The following FRMPD2 variants were observed in gnomAD, a reference collection of about 807,000 sequenced individuals.
The protein encoded by FRMPD2 is FERM and PDZ domain-containing protein 2.
A neutral mutation model predicts 140.1 loss-of-function variants in FRMPD2; 96 were observed. That is an observed-to-expected ratio of 0.69 (90% confidence interval 0.58 to 0.81). FRMPD2 has a LOEUF of 0.81. Ranked by LOEUF, FRMPD2 falls within the 40% of genes least tolerant of loss-of-function variation. FRMPD2 has a pLI of 0.00. For synonymous variants in FRMPD2, 449 were observed against 547.6 expected (o/e 0.82, Z 2.52); for missense variants, 1,240 against 1,447.4 (o/e 0.86, Z 2.32).
intron 13 of FRMPD2, among the ~76,000 whole-genome samples, chr10:48,211,036 A>G (rs1839307993): frequency 1.3e-5 from 2 of 152,212 alleles, no homozygotes; most frequent in African/African-American, 4.8e-5. Flanking sequence ...TGGTCCCCAC[A>G]TCTTGACATA....
At chr10:48,203,414 C>G (rs1003103974) in intron 14 of FRMPD2, among the ~76,000 whole-genome samples, 1 of 152,128 alleles carries the variant, frequency 6.6e-6, no homozygotes, top group Non-Finnish European at 1.5e-5. Context: ...ATGTATAACT[C>G]CAGTCTCTGG....
At chr10:48,210,781 C>A (rs1373288999) in intron 13 of FRMPD2, among the ~76,000 whole-genome samples, 6 of 152,232 alleles carry the variant, frequency 3.9e-5, no homozygotes, top group African/African-American at 1.4e-4. Flanking sequence ...AGCTGAAAAG[C>A]AAAGGCCCAA....
rs776043610 is a variant in FRMPD2 at position 48,238,102 on chromosome 10, G to A, written c.810C>T (p.Pro270=). The change falls in exon 8 of 29, where the codon CCC becomes CCT. Residue 270 remains proline, a synonymous_variant. Transcript: ENST00000374201. The part of the protein sequence containing the change: ...LVNRALPGAD[P]QDQQAGRRLS... ...GCCTCCGGCCCGCCTGCTGGTCCTG[G>A]GGATCTGCTCCTGGAAGAGCGCTGG... 1.2e-6 allele frequency: 2 copies of A among 1,612,398 alleles called. No individual in the cohort carries two copies.
chr10:48,184,904 A>G (rs750707993), intron 18 of FRMPD2, 23 bp from the exon 19 acceptor site: 15 of 1,535,908 alleles, frequency 9.8e-6, no homozygotes, highest in African/African-American at 1.4e-5. Flanking sequence ...ATGATAGTCC[A>G]TGATAAGATG....
intron 12 of FRMPD2, 123 bp from the exon 13 acceptor site, chr10:48,212,232 AG>A (rs1180277373): frequency 1.1e-6 from 1 of 910,366 alleles, no homozygotes; most frequent in African/African-American, 1.7e-5. Flanking sequence ...CACTTCCTCG[AG>A]GTGCCCACCT....
rs1840820149 is a variant in FRMPD2, at chr10:48,274,482, A to G, written c.25+61T>C. 3.4e-6 allele frequency: 5 copies of G among 1,464,756 alleles called. No homozygotes were observed. In the African/African-American group the frequency reaches 6.9e-5, roughly 20 times the overall value. The allele number at this position is 1,464,756 out of a possible 1,614,324, so 90.7% of individuals were successfully genotyped here. A position where few individuals can be genotyped will look rare whatever the true frequency, so the allele number is the denominator to read the frequency against. On this transcript the variant is annotated intron_variant, in intron 1 of 28. Coordinates refer to ENST00000374201, the MANE Select transcript of FRMPD2 (RefSeq NM_001018071.4). ...TTATTCCGGATACCTAGACCCAGTAAGAAGTTTGCCCTTTCCCTGACCAGA... is the reference window on the plus strand; with the variant it reads ...TTATTCCGGATACCTAGACCCAGTAGGAAGTTTGCCCTTTCCCTGACCAGA...
chr10:48,189,826 C>T (rs193240226), intron 16 of FRMPD2, among the ~76,000 whole-genome samples: 5 of 152,312 alleles, frequency 3.3e-5, no homozygotes, highest in East Asian at 3.9e-4. Flanking sequence ...ATTGCTGCGC[C>T]GTTCATGGAG....
chr10:48,274,776 G>A, upstream of FRMPD2: 1 of 575,646 alleles, frequency 1.7e-6, no homozygotes, highest in Non-Finnish European at 3.1e-6. Context: ...TCATTCCCTG[G>A]GTCCTGCGCA....
intron 23 of FRMPD2, among the ~76,000 whole-genome samples, chr10:48,175,445 C>G (rs528694376): frequency 1.2e-4 from 18 of 152,118 alleles, no homozygotes; most frequent in Admixed American, 9.2e-4. Flanking sequence ...AAATCACCCC[C>G]TTCCATCAGA....
At chr10:48,172,531 G>T (rs1319772239) in intron 25 of FRMPD2, among the ~76,000 whole-genome samples, 2 of 152,090 alleles carry the variant, frequency 1.3e-5, no homozygotes, top group Non-Finnish European at 2.9e-5. Context: ...AACAAGGCTA[G>T]ATTCCTGAAC....
chr10:48,233,018 T>G (rs192482954), intron 9 of FRMPD2, among the ~76,000 whole-genome samples: 4 of 152,112 alleles, frequency 2.6e-5, no homozygotes. Context: ...TGTGGCAAAC[T>G]CTTATGGATC....
At chr10:48,193,143 C>A (rs1046808883) in intron 15 of FRMPD2, among the ~76,000 whole-genome samples, 1 of 152,218 alleles carries the variant, frequency 6.6e-6, no homozygotes, top group Non-Finnish European at 1.5e-5. Flanking sequence ...GCTGACAGGA[C>A]GCAGAGCCAA....
intron 10 of FRMPD2, among the ~76,000 whole-genome samples, chr10:48,228,433 T>C (rs1839773826): frequency 6.6e-6 from 1 of 151,894 alleles, no homozygotes; most frequent in Non-Finnish European, 1.5e-5. Flanking sequence ...AATAAGATAT[T>C]ATGCTGAAAT....
chr10:48,193,237 C>T (rs2131849618), intron 15 of FRMPD2, among the ~76,000 whole-genome samples: 1 of 152,280 alleles, frequency 6.6e-6, no homozygotes, highest in South Asian at 2.1e-4. Context: ...ATCAGCTGCC[C>T]CATCCCCTTC....
At chr10:48,198,364 T>C (rs1839000332) in intron 15 of FRMPD2, among the ~76,000 whole-genome samples, 1 of 152,192 alleles carries the variant, frequency 6.6e-6, no homozygotes, top group Non-Finnish European at 1.5e-5. Context: ...AGTAGGCACA[T>C]GTGGCCATTT....
chr10:48,236,344 T>C (rs1242080074), intron 9 of FRMPD2, 138 bp downstream of exon 9: 1 of 733,130 alleles, frequency 1.4e-6, no homozygotes, highest in Non-Finnish European at 2.4e-6. Context: ...GCAGTGATGG[T>C]TCTGGCAGAG....
Position 48,170,457 on chromosome 10 carries a change from C to G in FRMPD2, c.3438+537G>C, listed in dbSNP as rs1315163705. Among the ~76,000 whole-genome samples the G allele has an allele frequency of 1.6e-4, 24 of 152,184 alleles. 1 individual carries two copies. ...CACTCTTCCTAGCCCTAGGCCACAA[C>G]ATGCTCCCTTGAGCTTCCTAACAAC... is the stretch of plus-strand genomic sequence containing the variant. On this transcript the variant is annotated intron_variant, in intron 26 of 28. Coordinates refer to ENST00000374201, the MANE Select transcript of FRMPD2 (RefSeq NM_001018071.4).
chr10:48,207,894 C>T (rs1457810244), intron 13 of FRMPD2, among the ~76,000 whole-genome samples: 5 of 152,190 alleles, frequency 3.3e-5, no homozygotes, highest in African/African-American at 1.2e-4. Flanking sequence ...GAGAGCTCCT[C>T]TCTCAGGCTC....
chr10:48,240,833 T>C (rs1666912061), intron 5 of FRMPD2, among the ~76,000 whole-genome samples: 1 of 152,242 alleles, frequency 6.6e-6, no homozygotes, highest in African/African-American at 2.4e-5. Flanking sequence ...CTCTGCCGTC[T>C]GATCACCTTC....
Sources: gnomAD v4.1 joint callset for allele counts (sites outside exome capture counted in the v4.1 genomes callset) on GRCh38, gnomAD v4.1.1 for gene constraint, MANE v1.5 for transcripts, NCBI Gene and HGNC (gene_info 2026-07-23, HGNC 2026-07-21) for gene names.